PAQR5: variants seen among roughly 807,000 people sequenced by gnomAD.
The protein encoded by PAQR5 is membrane progestin receptor gamma.
In PAQR5, 20 loss-of-function variants were observed where a neutral mutation model predicts 34.5. The ratio of observed to expected loss-of-function variants is 0.58; its 90% CI spans 0.41 to 0.84. The LOEUF is 0.84. PAQR5 is among the 40% of genes least tolerant of loss of function. PAQR5 has a pLI of 0.00. For synonymous variants in PAQR5, 131 were observed against 155.6 expected, an observed-to-expected ratio of 0.84 and a Z score of 1.18; for missense variants, 378 against 412.7, an observed-to-expected ratio of 0.92 and a Z score of 0.73.
intron 1 of PAQR5, among the ~76,000 whole-genome samples, chr15:69,323,111 T>C (rs2054166810): frequency 6.6e-6 from 1 of 152,108 alleles, no homozygotes; most frequent in Non-Finnish European, 1.5e-5. Context: ...GTGTGGAACA[T>C]GGGGCAGGAG....
chr15:69,340,931 G>A (rs1435575190), intron 2 of PAQR5, among the ~76,000 whole-genome samples: 3 of 152,090 alleles, frequency 2.0e-5, no homozygotes, highest in South Asian at 4.1e-4. Flanking sequence ...ATAAATTTTT[G>A]TATTAAAACA....
intron 2 of PAQR5, among the ~76,000 whole-genome samples, chr15:69,357,096 G>C (rs761418455): frequency 6.6e-6 from 1 of 151,860 alleles, no homozygotes. Flanking sequence ...TGCTTTCGCC[G>C]TACAACTTGC....
intron 4 of PAQR5, 42 bp downstream of exon 4, chr15:69,380,052 C>T (rs920189018): frequency 2.2e-5 from 36 of 1,605,234 alleles, no homozygotes; most frequent in Non-Finnish European, 2.6e-5. Context: ...CCTTCAGGAG[C>T]CCTGGAGACC....
At chr15:69,299,293 G>A (rs1029718963) in intron 1 of PAQR5, among the ~76,000 whole-genome samples, 2 of 152,170 alleles carry the variant, frequency 1.3e-5, no homozygotes, top group Admixed American at 6.5e-5. Flanking sequence ...GGCCGCCGCC[G>A]TGCAGAAGGC....
chr15:69,390,780 C>T (rs2056244903), intron 6 of PAQR5, among the ~76,000 whole-genome samples: 1 of 151,430 alleles, frequency 6.6e-6, no homozygotes. Context: ...ATGCCCTATG[C>T]ATCCCTCATC....
At chr15:69,354,824 T>A (rs1282196019) in intron 2 of PAQR5, among the ~76,000 whole-genome samples, 1 of 152,172 alleles carries the variant, frequency 6.6e-6, no homozygotes, top group African/African-American at 2.4e-5. Flanking sequence ...CACCATCCAA[T>A]CAACAAGGGC....
intron 7 of PAQR5, among the ~76,000 whole-genome samples, chr15:69,399,124 G>A (rs936893081): frequency 6.6e-6 from 1 of 152,198 alleles, no homozygotes; most frequent in African/African-American, 2.4e-5. Context: ...ACAGTATAGT[G>A]GCCATCATTG....
At chr15:69,325,559 T>C (rs1292445343) in intron 1 of PAQR5, among the ~76,000 whole-genome samples, 2 of 151,278 alleles carry the variant, frequency 1.3e-5, no homozygotes, top group Non-Finnish European at 2.9e-5. Context: ...GCTTTGGACA[T>C]ATAGTAGGTA....
chr15:69,348,366 A>AACTT (rs2054826405), intron 2 of PAQR5, among the ~76,000 whole-genome samples: 1 of 152,218 alleles, frequency 6.6e-6, no homozygotes, highest in Admixed American at 6.5e-5. Context: ...GGAGTTAAGT[A>AACTT]ACTTACCTAA....
chr15:69,389,939 G>A (rs910446755), intron 6 of PAQR5, among the ~76,000 whole-genome samples, 159 bp downstream of exon 6: 1 of 152,218 alleles, frequency 6.6e-6, no homozygotes, highest in African/African-American at 2.4e-5. Context: ...GGCAAAACCA[G>A]CTTCCTGGGC....
chr15:69,357,254 GTGTT>G (rs3084830), intron 2 of PAQR5, among the ~76,000 whole-genome samples: 3,132 of 149,458 alleles, frequency 0.021, 112 homozygotes, highest in African/African-American at 0.074. Flanking sequence ...CAGTCTCAGG[GTGTT>G]TGTTTGTTTG....
rs1555422023 is a variant in PAQR5, at chr15:69,382,843, T to TGC, written c.180-1833_180-1832dup. 3.8e-3 allele frequency: 253 copies of TGC among 66,074 alleles called. 3 individuals are homozygous for TGC. The highest frequency in any genetic ancestry group is 0.012 in the African/African-American group (213 of 17,144). 4.1% of individuals were successfully genotyped at this position (66,074 alleles called of 1,614,324 possible). Reference sequence around the variant, plus strand: ...ATATATATATATATATATATATATATGCATATGTTAAGCTTGTTTTCTATG... The same window carrying TGC: ...ATATATATATATATATATATATATATGCGCATATGTTAAGCTTGTTTTCTATG... On this transcript the variant is annotated intron_variant, in intron 4 of 8. Transcript: ENST00000395407.
intron 1 of PAQR5, among the ~76,000 whole-genome samples, chr15:69,305,659 C>T (rs1019946500): frequency 2.4e-4 from 36 of 152,000 alleles, no homozygotes; most frequent in African/African-American, 6.5e-4. Flanking sequence ...TCCCCTCTCA[C>T]GCTGCCCTGG....
At position 69,389,600 on chromosome 15, in the gene PAQR5, C is replaced by T. The variant is rs1372203541; in HGVS notation, c.386-54C>T. The stretch of plus-strand genomic sequence containing the variant: ...TGCTGGGGACAGTCTTTGCAAGGGG[C>T]CCATGTGGTGCCAAGGCCTGGCTCC... On this transcript the variant is annotated intron_variant, in intron 5 of 8. Coordinates refer to ENST00000395407, the MANE Select transcript of PAQR5 (RefSeq NM_017705.4). The T allele has an allele frequency of 5.0e-6, 8 of 1,609,578 alleles. No homozygotes were observed. In the East Asian group the frequency reaches 1.3e-4, roughly 27 times the overall value.
intron 3 of PAQR5, among the ~76,000 whole-genome samples, chr15:69,374,246 T>C (rs149822286): frequency 1.4e-3 from 209 of 152,358 alleles, no homozygotes; most frequent in African/African-American, 4.7e-3. Flanking sequence ...GTGCAATTGT[T>C]GTTTTATGCT....
At chr15:69,340,814 A>G (rs1595873238) in intron 2 of PAQR5, among the ~76,000 whole-genome samples, 1 of 152,322 alleles carries the variant, frequency 6.6e-6, no homozygotes, top group Non-Finnish European at 1.5e-5. Context: ...TAAAATAGGA[A>G]GAAGGGTGGA....
chr15:69,321,418 G>A (rs1270611407), intron 1 of PAQR5, among the ~76,000 whole-genome samples: 1 of 152,110 alleles, frequency 6.6e-6, no homozygotes, highest in African/African-American at 2.4e-5. Context: ...GTTACAGCCG[G>A]TCTGAGACGT....
At chr15:69,313,119 T>C (rs1323929004) in intron 1 of PAQR5, among the ~76,000 whole-genome samples, 1 of 152,162 alleles carries the variant, frequency 6.6e-6, no homozygotes, top group Admixed American at 6.5e-5. Context: ...TCTTAAACCT[T>C]TGTTGTATGT....
intron 1 of PAQR5, among the ~76,000 whole-genome samples, chr15:69,316,447 A>G (rs773393923): frequency 1.2e-4 from 18 of 152,220 alleles, no homozygotes; most frequent in Non-Finnish European, 2.5e-4. Context: ...TAATAATGCT[A>G]CAATAATGAC....
Sources: allele counts gnomAD v4.1 joint callset (sites outside exome capture counted in the v4.1 genomes callset), GRCh38; gene constraint gnomAD v4.1.1; transcripts MANE v1.5; gene names NCBI Gene and HGNC (gene_info 2026-07-23, HGNC 2026-07-21).